LRRC25: variants seen among roughly 807,000 people sequenced by gnomAD.
LRRC25 encodes the protein leucine-rich repeat-containing protein 25.
In LRRC25, 5 loss-of-function variants were observed where a neutral mutation model predicts 18.8. The ratio of observed to expected loss-of-function variants is 0.27; its 90% CI spans 0.14 to 0.56. The LOEUF (loss-of-function observed/expected upper bound fraction) is 0.56. LRRC25 is among the 20% of genes least tolerant of loss of function. LRRC25 has a pLI of 0.93. For synonymous variants in LRRC25, 161 were observed against 176.8 expected (o/e 0.91, Z 0.71); for missense variants, 341 against 389.8 (o/e 0.87, Z 1.05).
chr19:18,392,661 G>A lies in LRRC25; in HGVS notation c.780-536C>T, dbSNP rs577580266. Reference sequence around the variant, plus strand: ...GAAGGTTCTGTGGGTGTAACGCTGCGGTCTGAGGACCCTGAACCCTTTTTC... The same window carrying A: ...GAAGGTTCTGTGGGTGTAACGCTGCAGTCTGAGGACCCTGAACCCTTTTTC... On this transcript the variant is annotated intron_variant, in intron 1 of 1. Transcript: ENST00000339007. 1.1e-4 allele frequency among the ~76,000 whole-genome samples: 17 copies of A among 152,128 alleles called. No individual in the cohort carries two copies. In the South Asian group the frequency reaches 3.3e-3, roughly 30 times the overall value.
At chr19:18,393,804 C>T (rs1971931041) in intron 1 of LRRC25, among the ~76,000 whole-genome samples, 1 of 152,078 alleles carries the variant, frequency 6.6e-6, no homozygotes, top group African/African-American at 2.4e-5. Flanking sequence ...CCAGAGCCTC[C>T]ATGTCTGTAA....
intron 1 of LRRC25, among the ~76,000 whole-genome samples, chr19:18,393,850 C>A (rs984614314): frequency 6.6e-6 from 1 of 152,112 alleles, no homozygotes; most frequent in Non-Finnish European, 1.5e-5. Context: ...ACAGTCAATT[C>A]TAAACACAGT....
In LRRC25 at chr19:18,396,778, G is replaced by A. The variant is rs143067648; in HGVS notation, c.186C>T (p.Asn62=). 142 of 1,614,186 alleles carry A rather than the reference G, an allele frequency of 8.8e-5. No homozygotes were observed. In the African/African-American group the frequency reaches 1.6e-3, roughly 18 times the overall value. The change falls in exon 1 of 2, where the codon AAC becomes AAT. Residue 62 remains asparagine, a synonymous_variant. Coordinates refer to ENST00000339007, the MANE Select transcript of LRRC25 (RefSeq NM_145256.3). The stretch of plus-strand genomic sequence containing the variant: ...TCCCAGACAGGTCAAGGAGAATCAC[G>A]TTGCTGGCCCGCAGAGACTGGTTGT... ...LPHNQSLRAS[N]VILLDLSGNG...
In LRRC25 at chr19:18,391,977, C is replaced by A. The variant is rs1358623089; in HGVS notation, c.*10G>T. 6.8e-6 allele frequency: 11 copies of A among 1,612,384 alleles called. No homozygotes were observed. The highest frequency in any genetic ancestry group is 9.3e-6 in the Non-Finnish European group (11 of 1,178,810). ...AAGGGGTTCTGGGTGGAGGTTAGGACATCTTAGGCTCAGTGCCCGGGGATC... is the reference window on the plus strand; with the variant it reads ...AAGGGGTTCTGGGTGGAGGTTAGGAAATCTTAGGCTCAGTGCCCGGGGATC... On this transcript the variant is annotated 3_prime_UTR_variant, in exon 2 of 2. Coordinates refer to ENST00000339007, the MANE Select transcript of LRRC25 (RefSeq NM_145256.3).
rs1467835369 is a variant in LRRC25 at position 18,397,167 on chromosome 19, C to T, written c.-204G>A. ...CCTTCTGGGGAATGGGTAGATAACC[C>T]CAGTGCTTAGCGGGCTTGGAAGGCG... On this transcript the variant is annotated 5_prime_UTR_variant, in exon 1 of 2. Coordinates refer to ENST00000339007, the MANE Select transcript of LRRC25 (RefSeq NM_145256.3). 4 of 608,036 alleles carry T rather than the reference C, an allele frequency of 6.6e-6. No homozygotes were observed. In the East Asian group the frequency reaches 1.1e-4, roughly 17 times the overall value. 37.7% of individuals were successfully genotyped at this position (608,036 alleles called of 1,614,324 possible).
chr19:18,392,423 T>C lies in LRRC25; in HGVS notation c.780-298A>G, dbSNP rs1291822730. Among the ~76,000 whole-genome samples the C allele has an allele frequency of 2.7e-5, 4 of 150,372 alleles. No homozygotes were observed. The South Asian group carries it at 6.3e-4, about 24-fold the overall frequency. On this transcript the variant is annotated intron_variant, in intron 1 of 1. Transcript: ENST00000339007. ...AGGAGAATCACTTGAACCCAGGAGG[T>C]AGAGGTTGTAGTGAGCCGAGATCGT...
Position 18,397,369 on chromosome 19 carries a change from G to C in LRRC25, c.-406C>G. ...GGTCGCTGGGAAGTCCTGGGATAGGGTGGAGTGGGGGCTGCTGAAAGGGTC... is the reference window on the plus strand; with the variant it reads ...GGTCGCTGGGAAGTCCTGGGATAGGCTGGAGTGGGGGCTGCTGAAAGGGTC... On this transcript the variant is annotated 5_prime_UTR_variant, in exon 1 of 2. Transcript: ENST00000339007. 1 of 233,002 alleles carries C rather than the reference G, an allele frequency of 4.3e-6. No homozygotes were observed. The highest frequency in any genetic ancestry group is 5.0e-5 in the Admixed American group (1 of 19,872). 14.4% of individuals were successfully genotyped at this position (233,002 alleles called of 1,614,324 possible).
At position 18,392,022 on chromosome 19, in the gene LRRC25, T is replaced by C. The variant is rs146270800; in HGVS notation, c.883A>G (p.Met295Val). Residue 295 changes from methionine to valine, a missense_variant, in exon 2 of 2, where the codon ATG (methionine) becomes GTG (valine). Physicochemically the swap from Met to Val is conservative, Grantham distance 21. Coordinates refer to ENST00000339007, the MANE Select transcript of LRRC25 (RefSeq NM_145256.3). Reference protein sequence around the residue: ...CNLQSLGQAPMDEEEYVIPGH With the variant: ...CNLQSLGQAPVDEEEYVIPGH ...GGGATCACGTACTCCTCTTCATCCA[T>C]TGGGGCCTGGCCCAGTGACTGCAGG... The C allele has an allele frequency of 6.2e-5, 100 of 1,613,942 alleles. No homozygotes were observed. The highest frequency in any genetic ancestry group is 1.5e-4 in the South Asian group (14 of 91,082).
Position 18,396,777 on chromosome 19 carries a change from C to A in LRRC25, c.187G>T (p.Val63Leu). The change falls in exon 1 of 2, where the codon GTG becomes TTG. Residue 63 changes from valine (V) to leucine (L), a missense_variant. Physicochemically the swap from Val to Leu is conservative, Grantham distance 32 (BLOSUM62 1). Coordinates refer to ENST00000339007, the MANE Select transcript of LRRC25 (RefSeq NM_145256.3). ...TTCCCAGACAGGTCAAGGAGAATCA[C>A]GTTGCTGGCCCGCAGAGACTGGTTG... ...PHNQSLRASN[V>L]ILLDLSGNGL... 6.2e-7 allele frequency: 1 copy of A among 1,614,162 alleles called. No homozygotes were observed. The highest frequency in any genetic ancestry group is 2.2e-5 in the East Asian group (1 of 44,892).
chr19:18,395,559 A>G (rs1467248082), intron 1 of LRRC25, among the ~76,000 whole-genome samples: 1 of 151,764 alleles, frequency 6.6e-6, no homozygotes, highest in Non-Finnish European at 1.5e-5. Context: ...CGGAGCCCCA[A>G]CTCCGCTCAA....
At chr19:18,392,461 C>T (rs1445816743) in intron 1 of LRRC25, among the ~76,000 whole-genome samples, 1 of 151,476 alleles carries the variant, frequency 6.6e-6, no homozygotes, top group East Asian at 1.9e-4. Context: ...CATTGCACTT[C>T]AGCCTGGGAG....
chr19:18,395,471 T>C (rs1376660060), intron 1 of LRRC25, among the ~76,000 whole-genome samples: 1 of 151,746 alleles, frequency 6.6e-6, no homozygotes, highest in African/African-American at 2.4e-5. Context: ...CTGTCCCCAC[T>C]CTATGGAGAC....
chr19:18,395,263 C>T (rs1189532631), intron 1 of LRRC25, among the ~76,000 whole-genome samples: 13 of 150,666 alleles, frequency 8.6e-5, no homozygotes, highest in Non-Finnish European at 1.2e-4. Context: ...CCCAGCTACT[C>T]GGGAGGCTGA....
chr19:18,394,874 T>TTGAGACCAGCC (rs1253746059), intron 1 of LRRC25, among the ~76,000 whole-genome samples: 1 of 151,934 alleles, frequency 6.6e-6, no homozygotes, highest in East Asian at 1.9e-4. Flanking sequence ...GGCCAAGAGT[T>TTGAGACCAGCC]TGAGACCAGC....
chr19:18,397,258 C>A lies in LRRC25; in HGVS notation c.-295G>T. On this transcript the variant is annotated 5_prime_UTR_variant, in exon 1 of 2. Transcript: ENST00000339007. Reference sequence around the variant, plus strand: ...TGAACATTTGGGGCGCCCTCGTTGGCCAGGACGGGACCCTATGCAAATAAG... The same window carrying A: ...TGAACATTTGGGGCGCCCTCGTTGGACAGGACGGGACCCTATGCAAATAAG... 2.3e-6 allele frequency: 1 copy of A among 437,300 alleles called. No homozygotes were observed. The highest frequency in any genetic ancestry group is 4.2e-6 in the Non-Finnish European group (1 of 240,384). The allele number at this position is 437,300 out of a possible 1,614,324, so 27.1% of individuals were successfully genotyped here. A position where few individuals can be genotyped will look rare whatever the true frequency, so the allele number is the denominator to read the frequency against.
chr19:18,392,366 C>T (rs1971912757), intron 1 of LRRC25, among the ~76,000 whole-genome samples: 1 of 152,116 alleles, frequency 6.6e-6, no homozygotes, highest in Admixed American at 6.5e-5. Flanking sequence ...GTGGCACAGG[C>T]CTGTAGTCCC....
In LRRC25 at chr19:18,391,990, G is replaced by A; in HGVS notation, c.915C>T (p.His305=). ...MDEEEYVIPG[H] ...TGGAGGTTAGGACATCTTAGGCTCA[G>A]TGCCCGGGGATCACGTACTCCTCTT... The change falls in exon 2 of 2, where the codon CAC becomes CAT. Residue 305 remains histidine (H), a synonymous_variant. Coordinates refer to ENST00000339007, the MANE Select transcript of LRRC25 (RefSeq NM_145256.3). 1 of 1,613,812 alleles carries A rather than the reference G, an allele frequency of 6.2e-7. No homozygotes were observed. The highest frequency in any genetic ancestry group is 1.1e-5 in the South Asian group (1 of 91,052).
Position 18,396,760 on chromosome 19 carries a change from C to G in LRRC25, c.204G>C (p.Leu68=). The G allele has an allele frequency of 6.2e-7, 1 of 1,614,154 alleles. No homozygotes were observed. The highest frequency in any genetic ancestry group is 8.5e-7 in the Non-Finnish European group (1 of 1,180,052). ...GAAGCTCTCGCAGGCCGTTCCCAGA[C>G]AGGTCAAGGAGAATCACGTTGCTGG... ...LRASNVILLD[L]SGNGLRELPV... is the part of the protein sequence containing the mutation. The change falls in exon 1 of 2, where the codon CTG becomes CTC. Residue 68 remains leucine, a synonymous_variant. Transcript: ENST00000339007.
rs1171121708 is a variant in LRRC25, at chr19:18,397,177, G to A, written c.-214C>T. The A allele has an allele frequency of 3.4e-6, 2 of 596,832 alleles. No individual in the cohort carries two copies. The highest frequency in any genetic ancestry group is 5.9e-6 in the Non-Finnish European group (2 of 339,242). The allele number at this position is 596,832 out of a possible 1,614,324, so 37.0% of individuals were successfully genotyped here. A position where few individuals can be genotyped will look rare whatever the true frequency, so the allele number is the denominator to read the frequency against. Reference sequence around the variant, plus strand: ...AATGGGTAGATAACCCCAGTGCTTAGCGGGCTTGGAAGGCGAGGAGGAGAT... The same window carrying A: ...AATGGGTAGATAACCCCAGTGCTTAACGGGCTTGGAAGGCGAGGAGGAGAT... On this transcript the variant is annotated 5_prime_UTR_variant, in exon 1 of 2. Coordinates refer to ENST00000339007, the MANE Select transcript of LRRC25 (RefSeq NM_145256.3).
Sources: allele counts gnomAD v4.1 joint callset (sites outside exome capture counted in the v4.1 genomes callset), GRCh38; gene constraint gnomAD v4.1.1; transcripts MANE v1.5; gene names NCBI Gene and HGNC (gene_info 2026-07-23, HGNC 2026-07-21).